Variants in NAA15 observed in about 807,000 individuals in gnomAD.
NAA15 encodes N-terminal acetyltransferase.
Under a neutral mutation model 114.0 loss-of-function variants are expected in NAA15, and 34 were observed. The ratio of observed to expected loss-of-function variants is 0.30; its 90% CI spans 0.23 to 0.40. The LOEUF (loss-of-function observed/expected upper bound fraction) is 0.40. Ranked by LOEUF, NAA15 falls within the 10% of genes least tolerant of loss-of-function variation. The pLI is 1.00. For synonymous variants in NAA15, 340 were observed against 338.0 expected, an observed-to-expected ratio of 1.01 and a Z score of -0.06; for missense variants, 658 against 1,004.5, an observed-to-expected ratio of 0.66 and a Z score of 4.66.
intron 17 of NAA15, chr4:139,379,061 T>C: frequency 2.6e-6 from 1 of 385,100 alleles, no homozygotes; most frequent in Non-Finnish European, 4.6e-6. Flanking sequence ...ATAGAATTAT[T>C]CAGTCCAGAT....
chr4:139,317,311 T>C (rs1242276978), intron 1 of NAA15, among the ~76,000 whole-genome samples: 1 of 151,830 alleles, frequency 6.6e-6, no homozygotes, highest in Non-Finnish European at 1.5e-5. Context: ...TTATGAGGAT[T>C]TGTGGAGGGT....
At chr4:139,336,471 A>G (rs1210562061) in intron 2 of NAA15, among the ~76,000 whole-genome samples, 1 of 152,134 alleles carries the variant, frequency 6.6e-6, no homozygotes, top group East Asian at 1.9e-4. Flanking sequence ...GGTTCACAGA[A>G]ATAAAGTATA....
At chr4:139,363,129 G>A (rs908229824) in intron 14 of NAA15, among the ~76,000 whole-genome samples, 16 of 152,204 alleles carry the variant, frequency 1.1e-4, no homozygotes, top group African/African-American at 3.6e-4. Context: ...ACACCAGTAA[G>A]AAGAATCTGC....
intron 14 of NAA15, among the ~76,000 whole-genome samples, chr4:139,369,677 G>T (rs570859581): frequency 1.4e-5 from 2 of 141,966 alleles, no homozygotes; most frequent in Admixed American, 7.3e-5. Context: ...AGCAGAGGTT[G>T]CAGTAAGCTG....
rs1367398509 is a variant in NAA15, at chr4:139,388,151, C to T, written c.*67C>T. On this transcript the variant is annotated 3_prime_UTR_variant, in exon 20 of 20. Transcript: ENST00000296543. ...TAGTATATAATATTTTTGTCACGCA[C>T]CTGCTGCATTGCTCTAACTTACACA... 26 of 1,328,184 alleles carry T rather than the reference C, an allele frequency of 2.0e-5. No individual in the cohort carries two copies. The highest frequency in any genetic ancestry group is 5.7e-5 in the Admixed American group (3 of 52,660). 82.3% of individuals were successfully genotyped at this position (1,328,184 alleles called of 1,614,324 possible).
intron 1 of NAA15, among the ~76,000 whole-genome samples, chr4:139,323,538 A>G (rs1389267010): frequency 6.6e-6 from 1 of 152,116 alleles, no homozygotes; most frequent in East Asian, 1.9e-4. Context: ...AGTTCTCTGT[A>G]GCACCCTGCC....
chr4:139,312,844 TG>T lies in NAA15; in HGVS notation c.54+11020del, dbSNP rs972949370. Reference sequence around the variant, plus strand: ...CTGGGTGACAGAATGAGACCTTGTCTGGGGGGGAAAAAAAAAGTAAAATAAA... The same window carrying T: ...CTGGGTGACAGAATGAGACCTTGTCTGGGGGGAAAAAAAAAGTAAAATAAA... On this transcript the variant is annotated intron_variant, in intron 1 of 19. Transcript: ENST00000296543. Among the ~76,000 whole-genome samples, 52 of 151,316 alleles carry T rather than the reference TG, an allele frequency of 3.4e-4. 1 individual carries two copies. Among genetic ancestry groups the T allele is most frequent in the Admixed American group, 9.2e-4 (14 of 15,194 alleles).
At chr4:139,306,794 C>G (rs2110822220) in intron 1 of NAA15, among the ~76,000 whole-genome samples, 1 of 152,172 alleles carries the variant, frequency 6.6e-6, no homozygotes, top group African/African-American at 2.4e-5. Flanking sequence ...ATGAGGTTGC[C>G]AGAGTAGAAC....
intron 1 of NAA15, among the ~76,000 whole-genome samples, chr4:139,325,211 A>C (rs1314677104): frequency 6.6e-6 from 1 of 152,014 alleles, no homozygotes. Context: ...GGGCATTTTT[A>C]TTGTCCATTT....
At chr4:139,379,881 C>CA (rs905953368) in intron 17 of NAA15, among the ~76,000 whole-genome samples, 5 of 151,958 alleles carry the variant, frequency 3.3e-5, no homozygotes, top group Non-Finnish European at 5.9e-5. Context: ...CCGTCTCTAC[C>CA]AAAAAATACA....
At chr4:139,348,157 T>A (rs2110926801) in intron 6 of NAA15, among the ~76,000 whole-genome samples, 1 of 151,044 alleles carries the variant, frequency 6.6e-6, no homozygotes, top group South Asian at 2.1e-4. Flanking sequence ...TGTGAAGCGT[T>A]TAAAAGTCAC....
intron 3 of NAA15, among the ~76,000 whole-genome samples, chr4:139,337,352 C>A (rs1356908080): frequency 1.3e-5 from 2 of 151,966 alleles, no homozygotes; most frequent in African/African-American, 4.8e-5. Context: ...ATTATAATAC[C>A]CTGGTTTAGA....
At chr4:139,356,945 A>G (rs1234178764) in intron 10 of NAA15, among the ~76,000 whole-genome samples, 1 of 151,558 alleles carries the variant, frequency 6.6e-6, no homozygotes, top group African/African-American at 2.4e-5. Context: ...ATTTTATAAC[A>G]GTTTGGTGCA....
Position 139,388,151 on chromosome 4 carries a change from C to A in NAA15, c.*67C>A. ...TAGTATATAATATTTTTGTCACGCA[C>A]CTGCTGCATTGCTCTAACTTACACA... On this transcript the variant is annotated 3_prime_UTR_variant, in exon 20 of 20. Coordinates refer to ENST00000296543, the MANE Select transcript of NAA15 (RefSeq NM_057175.5). The A allele has an allele frequency of 7.5e-7, 1 of 1,328,298 alleles. No homozygotes were observed. Among genetic ancestry groups the A allele is most frequent in the Non-Finnish European group, 1.1e-6 (1 of 944,190 alleles). 82.3% of individuals were successfully genotyped at this position (1,328,298 alleles called of 1,614,324 possible).
intron 1 of NAA15, among the ~76,000 whole-genome samples, chr4:139,311,121 C>G (rs907760551): frequency 6.6e-6 from 1 of 151,760 alleles, no homozygotes; most frequent in Non-Finnish European, 1.5e-5. Flanking sequence ...TATTTAGAGA[C>G]CTTCCTTGGC....
At chr4:139,371,497 GCACACACACA>G (rs35581039) in intron 15 of NAA15, among the ~76,000 whole-genome samples, 2,386 of 113,666 alleles carry the variant, frequency 0.021, 75 homozygotes, top group African/African-American at 0.058. Context: ...AAGAAAAGTA[GCACACACACA>G]CACACACACA....
intron 18 of NAA15, among the ~76,000 whole-genome samples, chr4:139,385,302 T>TA (rs1437473314): frequency 2.2e-5 from 2 of 92,670 alleles, no homozygotes; most frequent in African/African-American, 3.8e-5. Context: ...ATATATATAA[T>TA]ATATATTATA....
At chr4:139,365,068 G>A (rs532273926) in intron 14 of NAA15, among the ~76,000 whole-genome samples, 25 of 151,972 alleles carry the variant, frequency 1.6e-4, no homozygotes, top group Middle Eastern at 6.8e-3. Flanking sequence ...ATGGAGTTTC[G>A]CTCTTTTCAC....
chr4:139,377,463 G>C (rs1235475205), intron 16 of NAA15, among the ~76,000 whole-genome samples: 1 of 151,858 alleles, frequency 6.6e-6, no homozygotes, highest in Admixed American at 6.6e-5. Flanking sequence ...GCTTGAACCC[G>C]GGAGGCAGAG....
Sources: allele counts gnomAD v4.1 joint callset (sites outside exome capture counted in the v4.1 genomes callset), GRCh38; gene constraint gnomAD v4.1.1; transcripts MANE v1.5; gene names NCBI Gene and HGNC (gene_info 2026-07-23, HGNC 2026-07-21).